Variants in TECPR1 observed in about 807,000 individuals in gnomAD.
TECPR1 encodes tectonin beta-propeller repeat-containing protein 1.
Under a neutral mutation model 162.4 loss-of-function variants are expected in TECPR1, and 122 were observed. The ratio of observed to expected loss-of-function variants is 0.75; its 90% CI spans 0.65 to 0.87. The LOEUF is 0.87. Among genes scored for constraint, TECPR1 ranks in the 40% least tolerant of loss-of-function variants. The pLI is 0.00. For synonymous variants in TECPR1, 642 were observed against 670.6 expected, an observed-to-expected ratio of 0.96 and a Z score of 0.66; for missense variants, 1,432 against 1,618.2, an observed-to-expected ratio of 0.88 and a Z score of 1.97.
intron 8 of TECPR1, among the ~76,000 whole-genome samples, chr7:98,239,470 G>A (rs1798691081): frequency 1.3e-5 from 2 of 152,176 alleles, no homozygotes; most frequent in South Asian, 4.1e-4. Flanking sequence ...CAGGAGAATC[G>A]CTTGAATCCA....
At chr7:98,229,001 C>T (rs1273277763) in intron 16 of TECPR1, 38 bp downstream of exon 16, 1 of 1,586,850 alleles carries the variant, frequency 6.3e-7, no homozygotes, top group Non-Finnish European at 8.6e-7. Context: ...GGAAAGAACG[C>T]CCAGGAAGGC....
chr7:98,217,482 C>T lies in TECPR1; in HGVS notation c.3406G>A (p.Val1136Ile), dbSNP rs1437847407. 3 of 1,608,954 alleles carry T rather than the reference C, an allele frequency of 1.9e-6. No individual in the cohort carries two copies. In the Admixed American group the frequency reaches 5.0e-5, roughly 27 times the overall value. ...GIGGGWDHISVRANATRAPRS... is the reference protein window; with the variant it reads ...GIGGGWDHISIRANATRAPRS... ...GGGGCCCTGGTGGCATTGGCCCGGA[C>T]AGAGATATGGTCCCAGCCTCCCTGG... Residue 1136 changes from valine (V) to isoleucine (I), a missense_variant, in exon 26 of 26, where the codon GTC becomes ATC. Val to Ile is a conservative substitution (Grantham distance 29). Transcript: ENST00000447648.
chr7:98,214,830 A>C lies in TECPR1; in HGVS notation c.*2560T>G, dbSNP rs1797964042. ...CAGTGGCTCTTTCTTTCTGCCCTGA[A>C]CTGGCACCTGCACCTCCTCTGCTTC... On this transcript the variant is annotated 3_prime_UTR_variant, in exon 26 of 26. Coordinates refer to ENST00000447648, the MANE Select transcript of TECPR1 (RefSeq NM_015395.3). The C allele has an allele frequency of 6.6e-6, 1 of 152,382 alleles. No homozygotes were observed. 9.4% of individuals were successfully genotyped at this position (152,382 alleles called of 1,614,324 possible). A position where few individuals can be genotyped will look rare whatever the true frequency, so the allele number is the denominator to read the frequency against.
chr7:98,222,641 G>A, intron 21 of TECPR1, 120 bp from the exon 22 acceptor site: 2 of 1,237,150 alleles, frequency 1.6e-6, no homozygotes, highest in East Asian at 2.6e-5. Flanking sequence ...GGGACAGCCG[G>A]GAGTCACACA....
In TECPR1 at chr7:98,228,098, CTGG is replaced by C; in HGVS notation, c.2426_2428del (p.Thr809del). On this transcript the variant is annotated inframe_deletion, in exon 17 of 26. Coordinates refer to ENST00000447648, the MANE Select transcript of TECPR1 (RefSeq NM_015395.3). ...CACGTCTGACTGCGTGTAGATGTTA[CTGG>C]TGCTGCTGGCCAGGCCTGTGGGGAG... 4 of 1,611,134 alleles carry C rather than the reference CTGG, an allele frequency of 2.5e-6. No homozygotes were observed. Among genetic ancestry groups the C allele is most frequent in the Non-Finnish European group, 3.4e-6 (4 of 1,178,980 alleles).
At chr7:98,250,386 C>T (rs56098787) in intron 2 of TECPR1, among the ~76,000 whole-genome samples, 68,015 of 151,684 alleles carry the variant, frequency 0.45, 15,737 homozygotes, top group East Asian at 0.69. Context: ...CCAGCCCTTT[C>T]CGGGGCTGAG....
At chr7:98,249,985 CATA>C (rs1427734434) in intron 2 of TECPR1, among the ~76,000 whole-genome samples, 1 of 152,026 alleles carries the variant, frequency 6.6e-6, no homozygotes, top group Non-Finnish European at 1.5e-5. Flanking sequence ...TCTTCATTTC[CATA>C]ATAGTCTCTG....
intron 2 of TECPR1, among the ~76,000 whole-genome samples, chr7:98,246,739 C>T (rs907332194): frequency 5.3e-5 from 8 of 151,812 alleles, no homozygotes; most frequent in African/African-American, 1.7e-4. Context: ...CACGCCACCA[C>T]GCCTGGCTAA....
chr7:98,217,307 G>A lies in TECPR1; in HGVS notation c.*83C>T, dbSNP rs910452431. On this transcript the variant is annotated 3_prime_UTR_variant, in exon 26 of 26. Coordinates refer to ENST00000447648, the MANE Select transcript of TECPR1 (RefSeq NM_015395.3). ...TCCACCTGGGCCACATTGCTCCCACGGTGCACACTCCAGCACAAGAATGGC... is the reference window on the plus strand; with the variant it reads ...TCCACCTGGGCCACATTGCTCCCACAGTGCACACTCCAGCACAAGAATGGC... 1.3e-5 allele frequency: 12 copies of A among 941,096 alleles called. No homozygotes were observed. The highest frequency in any genetic ancestry group is 3.3e-5 in the African/African-American group (2 of 60,536). The allele number at this position is 941,096 out of a possible 1,614,324, so 58.3% of individuals were successfully genotyped here.
intron 9 of TECPR1, among the ~76,000 whole-genome samples, chr7:98,237,734 G>A (rs1213051753): frequency 1.3e-5 from 2 of 151,894 alleles, no homozygotes; most frequent in Non-Finnish European, 2.9e-5. Context: ...CTCCCAAAGT[G>A]CTGGGATTAC....
chr7:98,222,895 G>T, intron 21 of TECPR1, 95 bp downstream of exon 21: 1 of 1,503,716 alleles, frequency 6.7e-7, no homozygotes. Context: ...GTGTCCACTG[G>T]TCCTAGGGGC....
At position 98,222,460 on chromosome 7, in the gene TECPR1, C is replaced by T. The variant is rs1251541525; in HGVS notation, c.2990G>A (p.Cys997Tyr). Residue 997 changes from cysteine (C) to tyrosine (Y), a missense_variant, in exon 22 of 26, where the codon TGC becomes TAC. Transcript: ENST00000447648. ...QPFASISIGA[C>Y]YQVWAVARDG... is the part of the protein sequence containing the mutation. ...CCTTGCCACGGCCCACACCTGGTAG[C>T]AGGCCCCGATGGAGATGGAGGCGAA... 3.1e-6 allele frequency: 5 copies of T among 1,595,588 alleles called. No individual in the cohort carries two copies. Among genetic ancestry groups the T allele is most frequent in the Admixed American group, 1.7e-5 (1 of 57,216 alleles).
chr7:98,233,031 A>C, intron 11 of TECPR1, 59 bp from the exon 12 acceptor site: 1 of 1,502,114 alleles, frequency 6.7e-7, no homozygotes, highest in Non-Finnish European at 8.9e-7. Flanking sequence ...CTGGGCAGGA[A>C]GCCACGGCGC....
In TECPR1 at chr7:98,232,815, C is replaced by G; in HGVS notation, c.1818+12G>C. 6.4e-7 allele frequency: 1 copy of G among 1,564,262 alleles called. No individual in the cohort carries two copies. Among genetic ancestry groups the G allele is most frequent in the Non-Finnish European group, 8.6e-7 (1 of 1,158,314 alleles). On this transcript the variant is annotated intron_variant, in intron 12 of 25. Coordinates refer to ENST00000447648, the MANE Select transcript of TECPR1 (RefSeq NM_015395.3). The surrounding 1 kb of genome is among the most constrained non-coding windows in gnomAD (Gnocchi z 4.6). ...AAAAAAAAAATGCATGCGCAGCCACCGGGGCACCCACCTGCTCCACGGCCT... is the reference window on the plus strand; with the variant it reads ...AAAAAAAAAATGCATGCGCAGCCACGGGGGCACCCACCTGCTCCACGGCCT...
intron 23 of TECPR1, among the ~76,000 whole-genome samples, chr7:98,219,989 A>G (rs1231098256): frequency 6.6e-6 from 1 of 152,000 alleles, no homozygotes; most frequent in African/African-American, 2.4e-5. Context: ...GCAAATCCAA[A>G]CCACACTGAG....
intron 19 of TECPR1, among the ~76,000 whole-genome samples, chr7:98,224,207 T>C (rs936682360): frequency 1.3e-5 from 2 of 152,190 alleles, no homozygotes; most frequent in Non-Finnish European, 2.9e-5. Flanking sequence ...GCCACCTGGC[T>C]CTGGGCCCCA....
Position 98,241,406 on chromosome 7 carries a change from T to C in TECPR1, c.658-162A>G, listed in dbSNP as rs1798746221. 3 of 797,022 alleles carry C rather than the reference T, an allele frequency of 3.8e-6. No homozygotes were observed. In the Admixed American group the frequency reaches 8.1e-5, roughly 22 times the overall value. 49.4% of individuals were successfully genotyped at this position (797,022 alleles called of 1,614,324 possible). A position where few individuals can be genotyped will look rare whatever the true frequency, so the allele number is the denominator to read the frequency against. On this transcript the variant is annotated intron_variant, in intron 6 of 25. Coordinates refer to ENST00000447648, the MANE Select transcript of TECPR1 (RefSeq NM_015395.3). The surrounding 1 kb of genome is among the most constrained non-coding windows in gnomAD (Gnocchi z 5.0). The stretch of plus-strand genomic sequence containing the variant: ...AAAAAACGCAAACCCTGGATTCCGG[T>C]GGTCCTGAGGGATACACTTGTTCCA...
At position 98,228,019 on chromosome 7, in the gene TECPR1, GGT is replaced by G. The variant is rs1386912863; in HGVS notation, c.2506_2507del (p.Thr836GlnfsTer187). On this transcript the variant is annotated frameshift_variant, in exon 17 of 26. Transcript: ENST00000447648. LOFTEE classifies it high-confidence loss of function. ...CGGGCACCTGTGCCACTTACCTGCTGGTGTAGCCTGTGACGGGGTTCCAGCGC... is the reference window on the plus strand; with the variant it reads ...CGGGCACCTGTGCCACTTACCTGCTGGTAGCCTGTGACGGGGTTCCAGCGC... ...NQRWNPVTGY[T>X]SRGLPTDRYM... 6.2e-7 allele frequency: 1 copy of G among 1,611,660 alleles called. No homozygotes were observed. The highest frequency in any genetic ancestry group is 8.5e-7 in the Non-Finnish European group (1 of 1,179,126).
rs951715738 is a variant in TECPR1, at chr7:98,222,820, G to A, written c.2928+170C>T. The stretch of plus-strand genomic sequence containing the variant: ...CCCTTGGCCCACCTCTGTCACCCCC[G>A]CCCCACCCGCCTCATTCCTGGGCCA... On this transcript the variant is annotated intron_variant, in intron 21 of 25. Coordinates refer to ENST00000447648, the MANE Select transcript of TECPR1 (RefSeq NM_015395.3). The A allele has an allele frequency of 2.7e-5, 25 of 916,646 alleles. No homozygotes were observed. The East Asian group carries it at 3.9e-4, about 14-fold the overall frequency. The allele number at this position is 916,646 out of a possible 1,614,324, so 56.8% of individuals were successfully genotyped here. A position where few individuals can be genotyped will look rare whatever the true frequency, so the allele number is the denominator to read the frequency against.
Sources: allele counts gnomAD v4.1 joint callset (sites outside exome capture counted in the v4.1 genomes callset), GRCh38; gene constraint gnomAD v4.1.1; non-coding constraint Gnocchi (gnomAD v3.1); transcripts MANE v1.5; gene names NCBI Gene and HGNC (gene_info 2026-07-23, HGNC 2026-07-21).